The following MED16 variants were observed in gnomAD, a reference collection of about 807,000 sequenced individuals.
The protein encoded by MED16 is mediator of RNA polymerase II transcription subunit 16.
In MED16, 81 loss-of-function variants were observed where a neutral mutation model predicts 84.4. The observed-to-expected ratio is 0.96, with a 90% CI of 0.80 to 1.15. MED16 has a LOEUF of 1.15. MED16 is among the 50% of genes most tolerant of loss of function. The probability of loss-of-function intolerance (pLI) is 0.00; values close to 1 mark genes in which losing one functional copy is unlikely to be tolerated. For missense variants in MED16, 1,585 were observed against 1,245.9 expected, an observed-to-expected ratio of 1.27 and a Z score of -4.10; for synonymous variants, 897 against 552.2, an observed-to-expected ratio of 1.62 and a Z score of -8.76.
At chr19:868,595 G>A (rs145005716) in intron 14 of MED16, 96 bp from the exon 15 acceptor site, 135 of 1,500,632 alleles carry the variant, frequency 9.0e-5, no homozygotes, top group East Asian at 2.1e-4. Flanking sequence ...CCCTCTGCTC[G>A]CCGTCCCTCA....
intron 6 of MED16, among the ~76,000 whole-genome samples, chr19:883,654 G>A (rs966377465): frequency 6.6e-6 from 1 of 152,252 alleles, no homozygotes; most frequent in South Asian, 2.1e-4. Flanking sequence ...TGCAGGAGAC[G>A]AGGAGGAGTG....
chr19:875,510 G>T (rs938174481), intron 9 of MED16, 56 bp from the exon 10 acceptor site: 1 of 1,417,936 alleles, frequency 7.1e-7, no homozygotes, highest in Non-Finnish European at 9.6e-7. Flanking sequence ...GCCCGCCAAG[G>T]CTCCAGCTGA....
intron 11 of MED16, among the ~76,000 whole-genome samples, chr19:872,473 G>A (rs551856225): frequency 1.2e-4 from 19 of 152,196 alleles, no homozygotes; most frequent in Middle Eastern, 3.4e-3. Context: ...GGAGCTGAGA[G>A]GACCAGGGAA....
intron 14 of MED16, 64 bp from the exon 15 acceptor site, chr19:868,563 A>G (rs1011325198): frequency 7.7e-5 from 122 of 1,580,870 alleles, no homozygotes; most frequent in Non-Finnish European, 1.0e-4. Context: ...CGCCTGCCCC[A>G]CTTTTGCTTC....
At chr19:877,645 GC>G (rs2036284109) in intron 8 of MED16, among the ~76,000 whole-genome samples, 1 of 102,490 alleles carries the variant, frequency 9.8e-6, no homozygotes, top group South Asian at 2.8e-4. Context: ...CACCCTCCCA[GC>G]CCCAGCCCCA....
At chr19:880,617 C>T (rs2036400846) in intron 7 of MED16, among the ~76,000 whole-genome samples, 1 of 152,152 alleles carries the variant, frequency 6.6e-6, no homozygotes. Flanking sequence ...GAAAGGAGTC[C>T]CTGCAGTAGA....
chr19:871,437 G>C, intron 12 of MED16, among the ~76,000 whole-genome samples, 184 bp from the exon 13 acceptor site: 1 of 152,222 alleles, frequency 6.6e-6, no homozygotes, highest in South Asian at 2.1e-4. Context: ...GCCTGGCTGG[G>C]TGACCCCAGA....
chr19:883,854 G>A (rs2036471110), intron 6 of MED16, among the ~76,000 whole-genome samples: 1 of 152,156 alleles, frequency 6.6e-6, no homozygotes, highest in Non-Finnish European at 1.5e-5. Flanking sequence ...AAGGAATGAG[G>A]CCCAACAAGG....
In MED16 at chr19:891,002, G is replaced by C. The variant is rs1244840995; in HGVS notation, c.130C>G (p.Leu44Val). Residue 44 changes from leucine to valine, a missense_variant, in exon 2 of 16, where the codon CTC becomes GTC. Physicochemically the swap from Leu to Val is conservative, Grantham distance 32 (BLOSUM62 1). Transcript: ENST00000325464. Reference protein sequence around the residue: ...PLACAWSCRNLIAFTMDLRSD... With the variant: ...PLACAWSCRNVIAFTMDLRSD... ...CGCAGGTCCATGGTGAAGGCGATGA[G>C]ATTTCGGCAGGACCAGGCGCAGGCC... The C allele has an allele frequency of 2.5e-6, 4 of 1,613,954 alleles. No homozygotes were observed. Among genetic ancestry groups the C allele is most frequent in the Non-Finnish European group, 3.4e-6 (4 of 1,180,010 alleles).
Position 871,346 on chromosome 19 carries a change from A to T in MED16, c.2099-93T>A, listed in dbSNP as rs1198394442. 7.2e-6 allele frequency: 10 copies of T among 1,394,110 alleles called. No homozygotes were observed. In the East Asian group the frequency reaches 2.3e-4, roughly 32 times the overall value. 86.4% of individuals were successfully genotyped at this position (1,394,110 alleles called of 1,614,324 possible). A position where few individuals can be genotyped will look rare whatever the true frequency, so the allele number is the denominator to read the frequency against. On this transcript the variant is annotated intron_variant, in intron 12 of 15. Coordinates refer to ENST00000325464, the MANE Select transcript of MED16 (RefSeq NM_005481.3). ...CTGGGAGCCCCTCCAGTTCAGGAGC[A>T]CCAGGTCAGGGCCCCAGCTCTGTCT... is the stretch of plus-strand genomic sequence containing the variant.
rs543371471 is a variant in MED16 at position 887,755 on chromosome 19, G to A, written c.448-1554C>T. Among the ~76,000 whole-genome samples the A allele has an allele frequency of 3.6e-4, 55 of 152,218 alleles. 1 individual carries two copies. In the South Asian group the frequency reaches 4.0e-3, roughly 11 times the overall value. ...CTTGAGGACATCACGCTCAGTAAGA[G>A]ATGCCAGACACAGAAGGCTACGCAG... On this transcript the variant is annotated intron_variant, in intron 4 of 15. Coordinates refer to ENST00000325464, the MANE Select transcript of MED16 (RefSeq NM_005481.3).
At chr19:887,669 A>T (rs553443536) in intron 4 of MED16, among the ~76,000 whole-genome samples, 22 of 152,202 alleles carry the variant, frequency 1.4e-4, no homozygotes, top group African/African-American at 5.1e-4. Context: ...CTGTCTCAAA[A>T]AAAATGTATT....
rs1390395150 is a variant in MED16 at position 871,701 on chromosome 19, C to T, written c.2098+225G>A. 9.7e-6 allele frequency: 13 copies of T among 1,339,692 alleles called. No homozygotes were observed. The East Asian group carries it at 1.2e-4, about 13-fold the overall frequency. 83.0% of individuals were successfully genotyped at this position (1,339,692 alleles called of 1,614,324 possible). On this transcript the variant is annotated intron_variant, in intron 12 of 15. Transcript: ENST00000325464. ...AGATATCAAGGCAGAGCCACTGCCA[C>T]CTGCAGGGGCTTATGTTCTGGCGGG... is the stretch of plus-strand genomic sequence containing the variant.
Position 889,051 on chromosome 19 carries a change from TCC to T in MED16, c.447+585_447+586del, listed in dbSNP as rs143513224. The stretch of plus-strand genomic sequence containing the variant: ...CCCTGGCCACGCCTACTCTTAACTG[TCC>T]CCCCCAACCCTGGCCACGCCTACTC... On this transcript the variant is annotated intron_variant, in intron 4 of 15. Transcript: ENST00000325464. Among the ~76,000 whole-genome samples the T allele has an allele frequency of 5.1e-3, 463 of 90,248 alleles. 3 individuals are homozygous for T. Among genetic ancestry groups the T allele is most frequent in the African/African-American group, 0.018 (397 of 22,636 alleles). The allele number at this position is 90,248 out of a possible 152,430, so 59.2% of individuals were successfully genotyped here. A position where few individuals can be genotyped will look rare whatever the true frequency, so the allele number is the denominator to read the frequency against.
At chr19:872,474 G>A (rs1355868446) in intron 11 of MED16, among the ~76,000 whole-genome samples, 7 of 152,042 alleles carry the variant, frequency 4.6e-5, no homozygotes, top group Middle Eastern at 3.2e-3. Context: ...GAGCTGAGAG[G>A]ACCAGGGAAG....
At chr19:873,774 C>G (rs77743959) in intron 10 of MED16, among the ~76,000 whole-genome samples, 192 bp from the exon 11 acceptor site, 10 of 152,106 alleles carry the variant, frequency 6.6e-5, no homozygotes, top group Non-Finnish European at 1.5e-4. Context: ...TGCCTGCCCC[C>G]CCCCGGGGGC....
intron 6 of MED16, among the ~76,000 whole-genome samples, chr19:884,372 C>T (rs566295483): frequency 1.3e-4 from 20 of 150,756 alleles, no homozygotes; most frequent in East Asian, 5.9e-4. Context: ...GCCCATCGGG[C>T]GGATAGAGAT....
In MED16 at chr19:880,016, G is replaced by C; in HGVS notation, c.1274C>G (p.Ala425Gly). Residue 425 changes from alanine to glycine, a missense_variant, in exon 8 of 16, where the codon GCG (alanine) becomes GGG (glycine). Ala to Gly is a moderately conservative substitution (Grantham distance 60). Coordinates refer to ENST00000325464, the MANE Select transcript of MED16 (RefSeq NM_005481.3). Reference protein sequence around the residue: ...DEPAMKRPRTAGPAVHLKAMQ... With the variant: ...DEPAMKRPRTGGPAVHLKAMQ... ...AGCCTTTAAGTGGACGGCGGGGCCC[G>C]CGGTGCGGGGGCGCTTCATGGCCGG... is the stretch of plus-strand genomic sequence containing the variant. The C allele has an allele frequency of 6.2e-7, 1 of 1,610,288 alleles. No homozygotes were observed. Among genetic ancestry groups the C allele is most frequent in the South Asian group, 1.1e-5 (1 of 90,802 alleles).
At chr19:890,049 C>T (rs573840027) in intron 3 of MED16, 88 bp downstream of exon 3, 7 of 1,049,802 alleles carry the variant, frequency 6.7e-6, no homozygotes, top group East Asian at 2.6e-5. Flanking sequence ...GACCCAGCGC[C>T]GGACTCCAGA....
Sources: gnomAD v4.1 joint callset for allele counts (sites outside exome capture counted in the v4.1 genomes callset) on GRCh38, gnomAD v4.1.1 for gene constraint, MANE v1.5 for transcripts, NCBI Gene and HGNC (gene_info 2026-07-23, HGNC 2026-07-21) for gene names.